The following ERC2 variants were observed in gnomAD, a reference collection of about 807,000 sequenced individuals.
ERC2 encodes the protein ERC protein 2.
In ERC2, 42 loss-of-function variants were observed where a neutral mutation model predicts 114.8. That is an observed-to-expected ratio of 0.37 (90% CI 0.29 to 0.47). The LOEUF is 0.47. Ranked by LOEUF, ERC2 falls within the 20% of genes least tolerant of loss-of-function variation. ERC2 has a pLI of 0.99. For missense variants in ERC2, 939 were observed against 1,150.7 expected, an observed-to-expected ratio of 0.82 and a Z score of 2.66; for synonymous variants, 454 against 425.5, an observed-to-expected ratio of 1.07 and a Z score of -0.82.
intron 2 of ERC2, among the ~76,000 whole-genome samples, chr3:56,367,382 A>G (rs2059190303): frequency 6.6e-6 from 1 of 151,914 alleles, no homozygotes; most frequent in Admixed American, 6.6e-5. Context: ...TCCCTAGTAA[A>G]TTCTCCCCCG....
Position 56,186,114 on chromosome 3 carries a change from T to TAAAAAAAAAAAAAAAAAAAAAAAAA in ERC2, c.1075-12619_1075-12595dup, listed in dbSNP as rs201544979. On this transcript the variant is annotated intron_variant, in intron 3 of 17. Coordinates refer to ENST00000288221, the MANE Select transcript of ERC2 (RefSeq NM_015576.3). ...GAAAGCATATACATCTCAAGAACCT[T>TAAAAAAAAAAAAAAAAAAAAAAAAA]AAAAAAAAAAAAAAAAAAAAAAAAA... Among the ~76,000 whole-genome samples the TAAAAAAAAAAAAAAAAAAAAAAAAA allele has an allele frequency of 1.2e-4, 12 of 102,540 alleles. 1 individual carries two copies. The highest frequency in any genetic ancestry group is 5.0e-4 in the East Asian group (2 of 4,002). The allele number at this position is 102,540 out of a possible 152,430, so 67.3% of individuals were successfully genotyped here.
chr3:56,334,468 T>G (rs2057765082), intron 2 of ERC2, among the ~76,000 whole-genome samples: 1 of 152,198 alleles, frequency 6.6e-6, no homozygotes, highest in African/African-American at 2.4e-5. Flanking sequence ...ACATCCTCAT[T>G]TTGCTTGGGC....
At chr3:56,157,700 C>T (rs186658345) in intron 4 of ERC2, among the ~76,000 whole-genome samples, 119 of 151,708 alleles carry the variant, frequency 7.8e-4, no homozygotes, top group African/African-American at 2.6e-3. Flanking sequence ...TTAGAATCTC[C>T]GAAACATACC....
chr3:55,770,106 C>A (rs2149022425), intron 14 of ERC2, among the ~76,000 whole-genome samples: 1 of 152,298 alleles, frequency 6.6e-6, no homozygotes, highest in African/African-American at 2.4e-5. Context: ...TTGTATGCTT[C>A]TTCTAACTCT....
At chr3:55,842,177 G>C (rs1171196091) in intron 14 of ERC2, among the ~76,000 whole-genome samples, 1 of 152,186 alleles carries the variant, frequency 6.6e-6, no homozygotes, top group Non-Finnish European at 1.5e-5. Context: ...CAAACAGTGA[G>C]TTAGTAGTGG....
chr3:55,754,824 T>C (rs569720112), intron 14 of ERC2, among the ~76,000 whole-genome samples: 10 of 152,208 alleles, frequency 6.6e-5, no homozygotes, highest in Admixed American at 6.5e-4. Context: ...TCACTGAAAC[T>C]GAATTAATTT....
chr3:55,767,596 C>T (rs2067898108), intron 14 of ERC2, among the ~76,000 whole-genome samples: 1 of 152,144 alleles, frequency 6.6e-6, no homozygotes, highest in South Asian at 2.1e-4. Context: ...AGAAGCCCGC[C>T]TAATCAGACA....
intron 11 of ERC2, among the ~76,000 whole-genome samples, chr3:55,988,390 TG>T (rs2070798889): frequency 6.6e-6 from 1 of 152,202 alleles, no homozygotes. Flanking sequence ...TAACTGCACG[TG>T]GGACCACACT....
At chr3:56,417,386 A>AT (rs373556994) in intron 2 of ERC2, among the ~76,000 whole-genome samples, 212 of 150,304 alleles carry the variant, frequency 1.4e-3, no homozygotes, top group African/African-American at 5.0e-3. Context: ...CTTTTTTTTT[A>AT]TTTTTTGCAC....
chr3:55,613,982 C>CAAAAAAAAA (rs60242810), intron 17 of ERC2, among the ~76,000 whole-genome samples: 2 of 62,246 alleles, frequency 3.2e-5, no homozygotes, highest in African/African-American at 6.9e-5. Flanking sequence ...GACTTCCTCT[C>CAAAAAAAAA]AAAAAAAAAA....
intron 17 of ERC2, among the ~76,000 whole-genome samples, chr3:55,588,251 T>A (rs1395044426): frequency 6.6e-6 from 1 of 152,018 alleles, no homozygotes; most frequent in African/African-American, 2.4e-5. Flanking sequence ...AGTAATGATG[T>A]TCACAGTCCC....
chr3:56,089,822 C>G (rs1043415695), intron 6 of ERC2, among the ~76,000 whole-genome samples: 4 of 152,120 alleles, frequency 2.6e-5, no homozygotes, highest in Non-Finnish European at 5.9e-5. Context: ...TTGGCTGAGC[C>G]CTGTCACAAG....
intron 17 of ERC2, among the ~76,000 whole-genome samples, chr3:55,675,903 CTTTTTTTTTTTTTTTT>C (rs869296098): frequency 1.1e-3 from 55 of 47,998 alleles, no homozygotes; most frequent in African/African-American, 3.5e-3. Context: ...TCTTTTCTTT[CTTTTTTTTTTTTTTTT>C]TTTTTTTTTT....
intron 7 of ERC2, among the ~76,000 whole-genome samples, chr3:56,024,857 A>G (rs996826075): frequency 1.3e-5 from 2 of 152,212 alleles, no homozygotes; most frequent in African/African-American, 4.8e-5. Context: ...CACTTCTCCA[A>G]ATATGGTCCC....
chr3:55,872,131 T>A (rs2062614060), intron 14 of ERC2, among the ~76,000 whole-genome samples: 1 of 152,094 alleles, frequency 6.6e-6, no homozygotes, highest in African/African-American at 2.4e-5. Context: ...AGTATATAAT[T>A]GACATTTTAA....
chr3:56,419,506 G>A (rs1383257178), intron 2 of ERC2, among the ~76,000 whole-genome samples: 2 of 152,188 alleles, frequency 1.3e-5, no homozygotes, highest in Admixed American at 1.3e-4. Context: ...TACACTTAGT[G>A]AATGCAGTAC....
intron 4 of ERC2, among the ~76,000 whole-genome samples, chr3:56,165,019 C>T (rs1039371222): frequency 1.3e-5 from 2 of 151,804 alleles, no homozygotes; most frequent in Admixed American, 6.6e-5. Context: ...AGAAAGTACA[C>T]AAATCATAGA....
intron 6 of ERC2, among the ~76,000 whole-genome samples, chr3:56,097,102 T>C (rs956177737): frequency 3.3e-5 from 5 of 152,198 alleles, no homozygotes; most frequent in African/African-American, 1.2e-4. Context: ...TAAATGATTC[T>C]GAAATGGGCG....
At chr3:56,452,614 G>A (rs57352922) in intron 1 of ERC2, among the ~76,000 whole-genome samples, 53,484 of 151,930 alleles carry the variant, frequency 0.35, 9,605 homozygotes, top group Middle Eastern at 0.43. Context: ...CAACCCTGGG[G>A]TTCTACGAGA....
Sources: allele counts gnomAD v4.1 joint callset (sites outside exome capture counted in the v4.1 genomes callset), GRCh38; gene constraint gnomAD v4.1.1; transcripts MANE v1.5; gene names NCBI Gene and HGNC (gene_info 2026-07-23, HGNC 2026-07-21).